Variants in DDAH1 observed in about 807,000 individuals in gnomAD.
DDAH1 encodes the protein dimethylarginine dimethylaminohydrolase 1.
DDAH1 carries 19 observed loss-of-function variants against 28.8 expected under a neutral mutation model. The observed-to-expected ratio is 0.66, with a 90% CI of 0.46 to 0.97. The LOEUF is 0.97. Ranked by LOEUF, DDAH1 falls within the 50% of genes least tolerant of loss-of-function variation. The probability of loss-of-function intolerance (pLI) is 0.00; values close to 1 mark genes in which losing one functional copy is unlikely to be tolerated. For synonymous variants in DDAH1, 153 were observed against 154.4 expected, an observed-to-expected ratio of 0.99 and a Z score of 0.07; for missense variants, 326 against 375.9, an observed-to-expected ratio of 0.87 and a Z score of 1.10.
chr1:85,345,031 A>T (rs1648757172), intron 4 of DDAH1, among the ~76,000 whole-genome samples: 2 of 152,212 alleles, frequency 1.3e-5, no homozygotes, highest in African/African-American at 2.4e-5. Context: ...TAAACTTTAA[A>T]AAATTAAAGT....
chr1:85,426,269 A>T (rs1471284382), intron 1 of DDAH1, among the ~76,000 whole-genome samples: 1 of 152,202 alleles, frequency 6.6e-6, no homozygotes, highest in East Asian at 1.9e-4. Context: ...ACTAGGCCTC[A>T]ATTTCCTTAC....
At chr1:85,429,832 T>G (rs146259849) in intron 1 of DDAH1, among the ~76,000 whole-genome samples, 4 of 152,302 alleles carry the variant, frequency 2.6e-5, no homozygotes, top group African/African-American at 9.6e-5. Flanking sequence ...TGTTCATATC[T>G]TTTACCCACT....
At chr1:85,407,381 G>A (rs946969380) in intron 1 of DDAH1, among the ~76,000 whole-genome samples, 3 of 152,100 alleles carry the variant, frequency 2.0e-5, no homozygotes, top group African/African-American at 7.2e-5. Context: ...TCTGCCAAAA[G>A]GTCTGAATAA....
chr1:85,537,467 C>A (rs1245530059), intron 1 of DDAH1, among the ~76,000 whole-genome samples: 1 of 128,858 alleles, frequency 7.8e-6, no homozygotes, highest in African/African-American at 2.8e-5. Flanking sequence ...CATGTGGAAT[C>A]TGAAAAAAAA....
chr1:85,536,919 C>T (rs1322993250), intron 1 of DDAH1, among the ~76,000 whole-genome samples: 1 of 137,172 alleles, frequency 7.3e-6, no homozygotes, highest in Non-Finnish European at 1.6e-5. Context: ...CTATGTCAAA[C>T]AACAGATGAA....
At chr1:85,438,263 A>C (rs1192705525) in intron 1 of DDAH1, among the ~76,000 whole-genome samples, 1 of 152,178 alleles carries the variant, frequency 6.6e-6, no homozygotes, top group African/African-American at 2.4e-5. Context: ...TTTGTACACC[A>C]AACTACAGCA....
chr1:85,366,036 C>T (rs1650056835), intron 1 of DDAH1, among the ~76,000 whole-genome samples: 1 of 151,688 alleles, frequency 6.6e-6, no homozygotes, highest in African/African-American at 2.4e-5. Context: ...TTGTGAATTG[C>T]CTGAAGAGGG....
intron 2 of DDAH1, among the ~76,000 whole-genome samples, chr1:85,473,478 T>C (rs891354904): frequency 6.6e-6 from 1 of 152,086 alleles, no homozygotes; most frequent in Non-Finnish European, 1.5e-5. Flanking sequence ...TATATGTATA[T>C]GTATGTGTAC....
intron 1 of DDAH1, among the ~76,000 whole-genome samples, chr1:85,382,062 C>T (rs1016323807): frequency 6.6e-5 from 10 of 152,116 alleles, no homozygotes; most frequent in Non-Finnish European, 1.0e-4. Flanking sequence ...CACTTTAAAT[C>T]AGAAGCTAGA....
chr1:85,521,525 C>G, intron 1 of DDAH1: 1 of 792,792 alleles, frequency 1.3e-6, no homozygotes, highest in Non-Finnish European at 1.5e-6. Flanking sequence ...AGCCTTACCA[C>G]GGATTGCCTC....
intron 1 of DDAH1, among the ~76,000 whole-genome samples, chr1:85,367,602 G>C (rs1222615221): frequency 6.6e-6 from 1 of 152,156 alleles, no homozygotes; most frequent in East Asian, 1.9e-4. Flanking sequence ...TATTCCTTAA[G>C]GTACCTCCCA....
chr1:85,355,326 G>A (rs1348053685), intron 2 of DDAH1, among the ~76,000 whole-genome samples: 1 of 152,030 alleles, frequency 6.6e-6, no homozygotes, highest in Non-Finnish European at 1.5e-5. Context: ...CTAGAGAATA[G>A]AAAAAGAGGA....
chr1:85,475,898 C>A (rs1655786688), intron 2 of DDAH1, among the ~76,000 whole-genome samples: 1 of 152,182 alleles, frequency 6.6e-6, no homozygotes, highest in Non-Finnish European at 1.5e-5. Flanking sequence ...GTAACCCAGG[C>A]TGGAGTGCAA....
At chr1:85,472,123 C>A (rs1486393816) in intron 2 of DDAH1, among the ~76,000 whole-genome samples, 7 of 152,196 alleles carry the variant, frequency 4.6e-5, no homozygotes, top group African/African-American at 1.7e-4. Context: ...TCCTTCTGCC[C>A]TATTTCTGTG....
chr1:85,434,040 G>A (rs1306235710), intron 1 of DDAH1, among the ~76,000 whole-genome samples: 1 of 151,962 alleles, frequency 6.6e-6, no homozygotes, highest in Non-Finnish European at 1.5e-5. Context: ...ACCATATCAG[G>A]ATGTAAAATG....
At chr1:85,564,214 G>A (rs1270112348) in intron 1 of DDAH1, among the ~76,000 whole-genome samples, 1 of 147,468 alleles carries the variant, frequency 6.8e-6, no homozygotes, top group Non-Finnish European at 1.5e-5. Context: ...CAATGTCTGA[G>A]ATAAAAAAAT....
intron 4 of DDAH1, among the ~76,000 whole-genome samples, chr1:85,340,307 C>T (rs1008662270): frequency 6.6e-6 from 1 of 152,150 alleles, no homozygotes; most frequent in Admixed American, 6.5e-5. Flanking sequence ...CATTTGCCCA[C>T]CAATTTTTGA....
At chr1:85,438,193 G>A (rs1226139216) in intron 1 of DDAH1, among the ~76,000 whole-genome samples, 4 of 152,166 alleles carry the variant, frequency 2.6e-5, no homozygotes, top group Non-Finnish European at 5.9e-5. Context: ...TGGAGGGTTG[G>A]TGGAGGAGGA....
At chr1:85,473,431 A>C (rs1310505891) in intron 2 of DDAH1, among the ~76,000 whole-genome samples, 1 of 152,192 alleles carries the variant, frequency 6.6e-6, no homozygotes, top group Non-Finnish European at 1.5e-5. Context: ...TAAATGTAGA[A>C]GAAAAGAAAA....
Sources: gnomAD v4.1 joint callset for allele counts (sites outside exome capture counted in the v4.1 genomes callset) on GRCh38, gnomAD v4.1.1 for gene constraint, MANE v1.5 for transcripts, NCBI Gene and HGNC (gene_info 2026-07-23, HGNC 2026-07-21) for gene names.